The following PTPRD variants were observed in gnomAD, a reference collection of about 807,000 sequenced individuals.
PTPRD encodes the protein receptor-type tyrosine-protein phosphatase delta.
In PTPRD, 34 loss-of-function variants were observed where a neutral mutation model predicts 214.5. The ratio of observed to expected loss-of-function variants is 0.16; its 90% confidence interval spans 0.12 to 0.21. The LOEUF is 0.21. Among genes scored for constraint, PTPRD ranks in the 10% least tolerant of loss-of-function variants. The pLI is 1.00. For missense variants in PTPRD, 2,545 were observed against 2,398.7 expected (o/e 1.06, Z -1.27); for synonymous variants, 1,128 against 845.7 (o/e 1.33, Z -5.79).
In PTPRD at chr9:8,726,636, T is replaced by C. The variant is rs1358882025; in HGVS notation, c.64+7144A>G. On this transcript the variant is annotated intron_variant, in intron 12 of 45. Coordinates refer to ENST00000381196, the MANE Select transcript of PTPRD (RefSeq NM_002839.4). Reference sequence around the variant, plus strand: ...ATATATATATATATATATATATATATATATATATATATATGACAGCCAGGT... The same window carrying C: ...ATATATATATATATATATATATATACATATATATATATATGACAGCCAGGT... Among the ~76,000 whole-genome samples the C allele has an allele frequency of 7.4e-5, 5 of 67,360 alleles. 2 individuals are homozygous for C. In the Admixed American group the frequency reaches 1.1e-3, roughly 15 times the overall value. 44.2% of individuals were successfully genotyped at this position (67,360 alleles called of 152,430 possible).
chr9:9,319,589 C>T (rs910974661), intron 9 of PTPRD, among the ~76,000 whole-genome samples: 2 of 152,108 alleles, frequency 1.3e-5, no homozygotes, highest in African/African-American at 4.8e-5. Context: ...AGGCTCATTT[C>T]CCCATATGTC....
intron 14 of PTPRD, among the ~76,000 whole-genome samples, chr9:8,546,280 G>A (rs1459025324): frequency 1.3e-5 from 2 of 152,180 alleles, no homozygotes; most frequent in Non-Finnish European, 2.9e-5. Context: ...TCTCTCATCT[G>A]CTGGAGAACA....
chr9:9,092,958 T>C (rs528553563), intron 10 of PTPRD, among the ~76,000 whole-genome samples: 2 of 152,138 alleles, frequency 1.3e-5, no homozygotes, highest in South Asian at 2.1e-4. Flanking sequence ...TGTAAATACA[T>C]GGACATAGCT....
At chr9:9,325,304 T>C (rs561887357) in intron 9 of PTPRD, among the ~76,000 whole-genome samples, 2 of 152,342 alleles carry the variant, frequency 1.3e-5, no homozygotes, top group Admixed American at 6.5e-5. Flanking sequence ...TTTCACGATA[T>C]TGATTCTTCC....
intron 10 of PTPRD, among the ~76,000 whole-genome samples, chr9:9,101,647 T>C (rs1253081952): frequency 6.6e-6 from 1 of 152,216 alleles, no homozygotes; most frequent in Non-Finnish European, 1.5e-5. Flanking sequence ...AAAAACCATG[T>C]CATTATCCAC....
chr9:10,377,289 TTTATTA>T (rs576042991), intron 2 of PTPRD, among the ~76,000 whole-genome samples: 57 of 151,702 alleles, frequency 3.8e-4, no homozygotes, highest in African/African-American at 1.4e-3. Flanking sequence ...CACATTTTCT[TTTATTA>T]TTATTATTAT....
At chr9:9,300,914 T>C (rs1595433202) in intron 9 of PTPRD, among the ~76,000 whole-genome samples, 1 of 151,862 alleles carries the variant, frequency 6.6e-6, no homozygotes, top group African/African-American at 2.4e-5. Flanking sequence ...CACTTAATTA[T>C]AATGTGCAAT....
At chr9:9,861,911 T>A (rs980611212) in intron 5 of PTPRD, among the ~76,000 whole-genome samples, 2 of 152,152 alleles carry the variant, frequency 1.3e-5, no homozygotes, top group Non-Finnish European at 2.9e-5. Context: ...AATAGCAGCA[T>A]ATGCTCTGGT....
intron 7 of PTPRD, among the ~76,000 whole-genome samples, chr9:9,663,866 GA>G (rs1016596245): frequency 1.1e-4 from 17 of 151,454 alleles, no homozygotes; most frequent in Admixed American, 2.0e-4. Flanking sequence ...AGTTGTATGT[GA>G]AAAATTAATC....
intron 44 of PTPRD, among the ~76,000 whole-genome samples, chr9:8,327,426 C>A (rs1563948168): frequency 6.6e-6 from 1 of 151,304 alleles, no homozygotes; most frequent in Non-Finnish European, 1.5e-5. Context: ...TGTTCTTTTG[C>A]ATTTGCTGAG....
At chr9:10,303,620 G>C (rs1438493263) in intron 3 of PTPRD, among the ~76,000 whole-genome samples, 1 of 152,126 alleles carries the variant, frequency 6.6e-6, no homozygotes, top group African/African-American at 2.4e-5. Context: ...TACCATCAGA[G>C]AATACTATAA....
intron 3 of PTPRD, among the ~76,000 whole-genome samples, chr9:10,268,158 T>G (rs1043075019): frequency 6.7e-6 from 1 of 149,296 alleles, no homozygotes; most frequent in East Asian, 2.0e-4. Context: ...AGTGTGGTAG[T>G]GTGCTTGTTT....
At chr9:9,651,833 T>A (rs1001304953) in intron 7 of PTPRD, among the ~76,000 whole-genome samples, 15 of 129,016 alleles carry the variant, frequency 1.2e-4, no homozygotes, top group Non-Finnish European at 2.3e-4. Context: ...TTTGTTTTTT[T>A]TTTTTTTTTT....
chr9:10,282,394 T>C (rs908919806), intron 3 of PTPRD, among the ~76,000 whole-genome samples: 3 of 152,152 alleles, frequency 2.0e-5, no homozygotes, highest in Non-Finnish European at 2.9e-5. Context: ...CAAGGATACT[T>C]TTTCACTCCA....
chr9:8,502,779 TAATAA>T (rs1248720771), intron 23 of PTPRD, among the ~76,000 whole-genome samples: 2 of 151,728 alleles, frequency 1.3e-5, no homozygotes, highest in East Asian at 1.9e-4. Context: ...AATTTTACTT[TAATAA>T]AATAAGGAAT....
chr9:9,266,969 G>C (rs193143920), intron 9 of PTPRD, among the ~76,000 whole-genome samples: 4 of 151,268 alleles, frequency 2.6e-5, no homozygotes, highest in East Asian at 2.0e-4. Flanking sequence ...AAATGAAATA[G>C]AGACTACAAA....
chr9:8,898,432 T>C (rs2098638283), intron 11 of PTPRD, among the ~76,000 whole-genome samples: 1 of 152,160 alleles, frequency 6.6e-6, no homozygotes, highest in African/African-American at 2.4e-5. Context: ...TGTTCTCTCA[T>C]TCTACTCTTG....
chr9:9,081,754 CT>C (rs1287966793), intron 10 of PTPRD, among the ~76,000 whole-genome samples: 1 of 150,838 alleles, frequency 6.6e-6, no homozygotes, highest in African/African-American at 2.4e-5. Context: ...ATGTAGTGCC[CT>C]TCTTTGTCTT....
intron 2 of PTPRD, among the ~76,000 whole-genome samples, chr9:10,417,588 A>C (rs150521467): frequency 5.3e-4 from 80 of 151,970 alleles, no homozygotes; most frequent in Middle Eastern, 3.4e-3. Context: ...TATTTGCCTT[A>C]TAATAACCAT....
Sources: allele counts gnomAD v4.1 joint callset (sites outside exome capture counted in the v4.1 genomes callset), GRCh38; gene constraint gnomAD v4.1.1; transcripts MANE v1.5; gene names NCBI Gene and HGNC (gene_info 2026-07-23, HGNC 2026-07-21).